The following FGF13 variants were observed in gnomAD, a reference collection of about 807,000 sequenced individuals.
FGF13 encodes the protein fibroblast growth factor 13.
In FGF13, 2 loss-of-function variants were observed where a neutral mutation model predicts 19.5. The observed-to-expected ratio is 0.10, with a 90% CI of 0.04 to 0.32. FGF13 has a LOEUF of 0.32. Among genes scored for constraint, FGF13 ranks in the 10% least tolerant of loss-of-function variants. The pLI, the probability that FGF13 is intolerant of heterozygous loss-of-function variation, is 1.00. For synonymous variants in FGF13, 72 were observed against 76.9 expected, an observed-to-expected ratio of 0.94 and a Z score of 0.33; for missense variants, 113 against 192.7, an observed-to-expected ratio of 0.59 and a Z score of 2.45.
chrX:138,934,021 T>C (rs948313710), intron 1 of FGF13, among the ~76,000 whole-genome samples: 2 of 112,540 alleles, frequency 1.8e-5, no homozygotes, highest in Non-Finnish European at 3.7e-5. Flanking sequence ...AAATCTTCTA[T>C]AATCAACAGA....
intron 1 of FGF13, among the ~76,000 whole-genome samples, chrX:138,922,600 C>T (rs563344326): frequency 1.8e-5 from 2 of 112,043 alleles, no homozygotes; most frequent in African/African-American, 6.5e-5. Context: ...AACTAGAGTT[C>T]CTCAAGAATT....
chrX:138,876,920 T>A (rs1488322147), intron 1 of FGF13, among the ~76,000 whole-genome samples: 1 of 112,788 alleles, frequency 8.9e-6, no homozygotes, highest in African/African-American at 3.2e-5. Context: ...AAGAAAAATT[T>A]CTTAATAGAA....
At chrX:138,748,775 T>C (rs1301706371) in intron 3 of FGF13, among the ~76,000 whole-genome samples, 1 of 111,644 alleles carries the variant, frequency 9.0e-6, no homozygotes, top group Non-Finnish European at 1.9e-5. Flanking sequence ...CTGTACAACA[T>C]TGCGCTCATA....
intron 1 of FGF13, among the ~76,000 whole-genome samples, chrX:138,992,193 A>T (rs1027111665): frequency 1.8e-5 from 2 of 110,150 alleles, no homozygotes; most frequent in African/African-American, 6.6e-5. Context: ...GTTTTTAGTC[A>T]TTTAGCTGTC....
intron 1 of FGF13, among the ~76,000 whole-genome samples, chrX:139,037,095 C>A (rs1042461465): frequency 1.8e-5 from 2 of 110,981 alleles, no homozygotes; most frequent in African/African-American, 6.6e-5. Flanking sequence ...ATACACTGAA[C>A]CACCTATTTG....
intron 3 of FGF13, among the ~76,000 whole-genome samples, chrX:138,836,169 G>T (rs1292484306): frequency 1.8e-5 from 2 of 111,106 alleles, no homozygotes; most frequent in East Asian, 5.7e-4. Flanking sequence ...TCTTGGGGAT[G>T]ATCTTATCGT....
chrX:138,812,595 T>C (rs907133891), intron 3 of FGF13, among the ~76,000 whole-genome samples: 3 of 111,714 alleles, frequency 2.7e-5, no homozygotes, highest in South Asian at 3.8e-4. Flanking sequence ...ATCTTGGTTA[T>C]ACCTTGATTT....
chrX:138,977,911 T>C (rs550276647), intron 1 of FGF13, among the ~76,000 whole-genome samples: 1 of 112,364 alleles, frequency 8.9e-6, no homozygotes, highest in South Asian at 3.7e-4. Context: ...TAACTATATG[T>C]CGTCATATAA....
intron 1 of FGF13, among the ~76,000 whole-genome samples, chrX:138,939,958 T>C (rs1165517715): frequency 8.9e-6 from 1 of 111,941 alleles, no homozygotes; most frequent in Non-Finnish European, 1.9e-5. Flanking sequence ...CTGGGTCAAA[T>C]GGTAATTCTG....
In FGF13 at chrX:138,711,067, TCTC is replaced by T. The variant is rs1342459168; in HGVS notation, c.-67_-65del. The T allele has an allele frequency of 6.8e-6, 8 of 1,184,103 alleles. No individual in the cohort carries two copies. In the South Asian group the frequency reaches 9.3e-5, roughly 14 times the overall value. Reference sequence around the variant, plus strand: ...CTCTCTGGGTTCGCCTCCTCCTCCTTCTCCTCCGCTGCTTGTCCGCTGTCTCGC... The same window carrying T: ...CTCTCTGGGTTCGCCTCCTCCTCCTTCTCCGCTGCTTGTCCGCTGTCTCGC... On this transcript the variant is annotated 5_prime_UTR_variant, in exon 1 of 5. Coordinates refer to ENST00000315930, the MANE Select transcript of FGF13 (RefSeq NM_004114.5).
intron 1 of FGF13, among the ~76,000 whole-genome samples, chrX:139,004,125 G>A (rs2092089000): frequency 8.9e-6 from 1 of 112,882 alleles, no homozygotes. Context: ...CATGGAGTGG[G>A]TGGGAGACTC....
intron 3 of FGF13, among the ~76,000 whole-genome samples, chrX:138,640,284 G>A (rs138136973): frequency 0.014 from 1,523 of 111,832 alleles, 26 homozygotes; most frequent in African/African-American, 0.047. Flanking sequence ...GGCATATTAA[G>A]ACCTCCACAC....
At position 139,113,624 on chromosome X, in the gene FGF13, A is replaced by T. The variant is rs190719006; in HGVS notation, c.-113+89792T>A. 2.0e-4 allele frequency among the ~76,000 whole-genome samples: 22 copies of T among 112,719 alleles called. No homozygotes were observed. In the East Asian group the frequency reaches 6.1e-3, roughly 32 times the overall value. ...TTATACTTGGCTTATCACTTAAAAT[A>T]CGTGGTTACATTTTAACAAATCACC... On this transcript the variant is annotated intron_variant, in intron 1 of 2. Coordinates refer to the FGF13 transcript ENST00000421460.
At chrX:138,935,541 T>C (rs1022718819) in intron 1 of FGF13, among the ~76,000 whole-genome samples, 3 of 112,065 alleles carry the variant, frequency 2.7e-5, no homozygotes, top group Non-Finnish European at 5.6e-5. Context: ...GCCAAATCAT[T>C]AAAGGCTTTG....
chrX:139,204,041 C>T, upstream of FGF13: 2 of 1,208,719 alleles, frequency 1.7e-6, no homozygotes, highest in East Asian at 5.9e-5. Flanking sequence ...AGCAGGCGGA[C>T]TCGGCGGGCG....
At chrX:138,948,988 G>A (rs1040052724) in intron 1 of FGF13, among the ~76,000 whole-genome samples, 12 of 111,823 alleles carry the variant, frequency 1.1e-4, no homozygotes, top group Non-Finnish European at 2.1e-4. Flanking sequence ...CTATTAGGTA[G>A]GTATTATTAT....
chrX:139,129,239 T>A (rs2083743613), intron 1 of FGF13, among the ~76,000 whole-genome samples: 1 of 109,057 alleles, frequency 9.2e-6, no homozygotes, highest in Non-Finnish European at 1.9e-5. Context: ...ATGAAATATT[T>A]AATATAATGT....
exon 2 of FGF13, chrX:138,864,616 A>G (rs2091307301): frequency 8.9e-6 from 1 of 112,402 alleles, no homozygotes; most frequent in Non-Finnish European, 1.9e-5. Flanking sequence ...CCATCAGCCA[A>G]AGGCCCATGT....
At chrX:138,853,177 A>C (rs752051904), downstream of FGF13, among the ~76,000 whole-genome samples, 123 of 112,111 alleles carry the variant, frequency 1.1e-3, 1 homozygote, top group Non-Finnish European at 1.6e-3. Flanking sequence ...GTTTAGTTTT[A>C]TTCAACTATT....
Sources: allele counts gnomAD v4.1 joint callset (sites outside exome capture counted in the v4.1 genomes callset), GRCh38; gene constraint gnomAD v4.1.1; transcripts MANE v1.5; gene names NCBI Gene and HGNC (gene_info 2026-07-23, HGNC 2026-07-21).